SLC8A1: variants seen among roughly 807,000 people sequenced by gnomAD.
SLC8A1 encodes solute carrier family 8 member A1.
SLC8A1 carries 18 observed loss-of-function variants against 68.3 expected under a neutral mutation model. The ratio of observed to expected loss-of-function variants is 0.26; its 90% confidence interval spans 0.18 to 0.39. The LOEUF is 0.39. Ranked by LOEUF, SLC8A1 falls within the 10% of genes least tolerant of loss-of-function variation. The pLI is 1.00. For synonymous variants in SLC8A1, 475 were observed against 415.5 expected (o/e 1.14, Z -1.74); for missense variants, 985 against 1,156.7 (o/e 0.85, Z 2.15).
At chr2:40,357,439 G>A (rs778773230) in intron 2 of SLC8A1, among the ~76,000 whole-genome samples, 2 of 148,688 alleles carry the variant, frequency 1.3e-5, no homozygotes, top group Non-Finnish European at 3.0e-5. Context: ...CAAGGCTGCA[G>A]TGTGCTATGA....
At chr2:40,336,185 G>A (rs1178803912) in intron 2 of SLC8A1, among the ~76,000 whole-genome samples, 1 of 152,170 alleles carries the variant, frequency 6.6e-6, no homozygotes, top group Non-Finnish European at 1.5e-5. Flanking sequence ...ACTTTATGTG[G>A]TACCTTAAAG....
At chr2:40,232,274 C>T (rs113757461) in intron 2 of SLC8A1, among the ~76,000 whole-genome samples, 51 of 152,106 alleles carry the variant, frequency 3.4e-4, no homozygotes, top group Admixed American at 1.0e-3. Flanking sequence ...TAACAGAAGG[C>T]AGAAGAAATC....
chr2:40,475,640 GT>G (rs1704252981), intron 1 of SLC8A1, among the ~76,000 whole-genome samples: 4 of 151,614 alleles, frequency 2.6e-5, no homozygotes, highest in Non-Finnish European at 5.9e-5. Context: ...ACACATACAT[GT>G]ACACATGCAT....
intron 2 of SLC8A1, among the ~76,000 whole-genome samples, chr2:40,249,014 C>T (rs749003042): frequency 3.9e-5 from 6 of 152,174 alleles, no homozygotes; most frequent in Non-Finnish European, 7.4e-5. Context: ...AACAGGATGA[C>T]GTGCTGAGTT....
At chr2:40,438,443 C>A (rs1465323768) in intron 1 of SLC8A1, among the ~76,000 whole-genome samples, 1 of 152,142 alleles carries the variant, frequency 6.6e-6, no homozygotes, top group Non-Finnish European at 1.5e-5. Flanking sequence ...TTCATTTATT[C>A]ATCAAGCCTC....
intron 6 of SLC8A1, among the ~76,000 whole-genome samples, chr2:40,148,959 T>A (rs1277195858): frequency 6.6e-6 from 1 of 152,184 alleles, no homozygotes; most frequent in Non-Finnish European, 1.5e-5. Flanking sequence ...CTCTCATAAA[T>A]AGTAACCATG....
chr2:40,210,093 G>C (rs2056305348), intron 2 of SLC8A1: 1 of 152,144 alleles, frequency 6.6e-6, no homozygotes, highest in African/African-American at 2.4e-5. Flanking sequence ...GGCCTAGACA[G>C]TGCCTTTTAA....
At chr2:40,456,325 A>AT (rs1703020982), upstream of SLC8A1, among the ~76,000 whole-genome samples, 1 of 150,102 alleles carries the variant, frequency 6.7e-6, no homozygotes, top group South Asian at 2.1e-4. Flanking sequence ...TCAAAAAAAA[A>AT]AAAAAAAAAA....
intron 2 of SLC8A1, chr2:40,251,801 C>T (rs772497770): frequency 6.6e-6 from 1 of 152,148 alleles, no homozygotes; most frequent in African/African-American, 2.4e-5. Context: ...TTTCGTCTCT[C>T]TATTCTTTTA....
At chr2:40,287,675 G>A (rs534153010) in intron 2 of SLC8A1, among the ~76,000 whole-genome samples, 10 of 149,262 alleles carry the variant, frequency 6.7e-5, no homozygotes, top group South Asian at 4.3e-4. Context: ...GGAGGACAGG[G>A]CCATGAAGGC....
At chr2:40,430,144 G>T in exon 2 of SLC8A1, 1 of 1,613,780 alleles carries the variant, frequency 6.2e-7, no homozygotes, top group South Asian at 1.1e-5. Flanking sequence ...ACATTCACCA[G>T]TTTCATTTCC....
intron 2 of SLC8A1, among the ~76,000 whole-genome samples, chr2:40,228,837 A>G (rs2148884267): frequency 6.6e-6 from 1 of 152,268 alleles, no homozygotes; most frequent in Non-Finnish European, 1.5e-5. Flanking sequence ...GGGTGGAAAA[A>G]AGCTATACCT....
At chr2:40,209,605 G>A (rs1574087554) in intron 2 of SLC8A1, among the ~76,000 whole-genome samples, 1 of 152,170 alleles carries the variant, frequency 6.6e-6, no homozygotes, top group Admixed American at 6.5e-5. Context: ...GTAGAGATAA[G>A]GGTGCTACCA....
intron 2 of SLC8A1, among the ~76,000 whole-genome samples, chr2:40,218,629 G>C (rs563819378): frequency 7.4e-4 from 112 of 151,804 alleles, no homozygotes; most frequent in Non-Finnish European, 1.4e-3. Context: ...AAAAAAAGGA[G>C]GCATATAGAC....
At chr2:40,383,086 C>A (rs1189695248) in intron 2 of SLC8A1, among the ~76,000 whole-genome samples, 1 of 152,008 alleles carries the variant, frequency 6.6e-6, no homozygotes, top group Admixed American at 6.6e-5. Context: ...GACCTATTAT[C>A]CCTGCTTTGA....
intron 2 of SLC8A1, among the ~76,000 whole-genome samples, chr2:40,380,244 G>C (rs929249318): frequency 6.6e-6 from 1 of 152,118 alleles, no homozygotes; most frequent in Admixed American, 6.6e-5. Flanking sequence ...AGGCCATGCT[G>C]ATAGACAGCA....
chr2:40,167,921 G>C (rs1429350011), intron 4 of SLC8A1, among the ~76,000 whole-genome samples: 1 of 152,078 alleles, frequency 6.6e-6, no homozygotes, highest in Admixed American at 6.5e-5. Context: ...GTTTCATTGT[G>C]CTTTGAACCA....
chr2:40,255,206 AAC>A (rs1399486776), intron 2 of SLC8A1: 1 of 152,210 alleles, frequency 6.6e-6, no homozygotes, highest in Non-Finnish European at 1.5e-5. Flanking sequence ...ACTTAAATGA[AAC>A]AGTGTCTTTT....
chr2:40,197,062 T>C (rs2053186727), intron 2 of SLC8A1, among the ~76,000 whole-genome samples: 1 of 152,106 alleles, frequency 6.6e-6, no homozygotes, highest in African/African-American at 2.4e-5. Flanking sequence ...CTCCTGTTCA[T>C]ATCCCACACA....
Sources: gnomAD v4.1 joint callset for allele counts (sites outside exome capture counted in the v4.1 genomes callset) on GRCh38, gnomAD v4.1.1 for gene constraint, MANE v1.5 for transcripts, NCBI Gene and HGNC (gene_info 2026-07-23, HGNC 2026-07-21) for gene names.